BICD1: variants seen among roughly 807,000 people sequenced by gnomAD.
BICD1 encodes the protein protein bicaudal D homolog 1.
Under a neutral mutation model 92.5 loss-of-function variants are expected in BICD1, and 35 were observed. The ratio of observed to expected loss-of-function variants is 0.38; its 90% CI spans 0.29 to 0.50. BICD1 has a LOEUF of 0.50. BICD1 is among the 20% of genes least tolerant of loss of function. BICD1 has a pLI of 0.93. For synonymous variants in BICD1, 429 were observed against 465.1 expected, an observed-to-expected ratio of 0.92 and a Z score of 1.00; for missense variants, 950 against 1,189.8, an observed-to-expected ratio of 0.80 and a Z score of 2.97.
intron 1 of BICD1, among the ~76,000 whole-genome samples, chr12:32,113,457 C>T (rs1941772151): frequency 6.6e-6 from 1 of 152,062 alleles, no homozygotes; most frequent in Non-Finnish European, 1.5e-5. Flanking sequence ...TTACAGCTCA[C>T]CGCAACCTTA....
At chr12:32,360,327 AAG>A (rs1238762774) in intron 8 of BICD1, among the ~76,000 whole-genome samples, 1 of 152,240 alleles carries the variant, frequency 6.6e-6, no homozygotes, top group Non-Finnish European at 1.5e-5. Flanking sequence ...CCTAAGGAGA[AAG>A]AGAATATTTA....
intron 1 of BICD1, among the ~76,000 whole-genome samples, chr12:32,184,537 G>A (rs1007647160): frequency 1.3e-5 from 2 of 152,008 alleles, no homozygotes; most frequent in South Asian, 4.2e-4. Flanking sequence ...CACCCACCTC[G>A]GCCTCCCAAA....
chr12:32,346,174 G>T (rs924067873), intron 8 of BICD1, among the ~76,000 whole-genome samples: 1 of 151,586 alleles, frequency 6.6e-6, no homozygotes, highest in Non-Finnish European at 1.5e-5. Flanking sequence ...AGAAACAAGT[G>T]AACTTAATTT....
intron 2 of BICD1, among the ~76,000 whole-genome samples, chr12:32,272,423 T>C (rs1212078240): frequency 6.6e-6 from 1 of 152,244 alleles, no homozygotes; most frequent in African/African-American, 2.4e-5. Flanking sequence ...TTTTAATCTA[T>C]AACTAAGATC....
chr12:32,154,984 A>G (rs2125173), intron 1 of BICD1, among the ~76,000 whole-genome samples: 16,313 of 152,254 alleles, frequency 0.11, 1,153 homozygotes, highest in East Asian at 0.29. Flanking sequence ...AGACAGAAAA[A>G]TAAGCATCTG....
intron 1 of BICD1, among the ~76,000 whole-genome samples, chr12:32,165,242 G>A (rs1029680279): frequency 4.6e-5 from 7 of 152,198 alleles, no homozygotes; most frequent in Non-Finnish European, 1.0e-4. Context: ...TTGGCCGGGC[G>A]CGGTGGCTCA....
chr12:32,184,381 G>A (rs890119774), intron 1 of BICD1, among the ~76,000 whole-genome samples: 13 of 152,120 alleles, frequency 8.5e-5, no homozygotes, highest in African/African-American at 3.1e-4. Context: ...CCACCTCTCG[G>A]GTTCAAGCGA....
At chr12:32,177,612 G>A (rs999050660) in intron 1 of BICD1, among the ~76,000 whole-genome samples, 1 of 139,452 alleles carries the variant, frequency 7.2e-6, no homozygotes, top group Non-Finnish European at 1.6e-5. Flanking sequence ...GGCTGGAGTG[G>A]CGGAGGTGGT....
chr12:32,265,715 A>AT (rs199946384), intron 2 of BICD1, among the ~76,000 whole-genome samples: 1,401 of 84,670 alleles, frequency 0.017, 15 homozygotes, highest in African/African-American at 0.056. Context: ...GCGAGATCCT[A>AT]TTTAAAAAAA....
chr12:32,278,247 T>G (rs1662474076), intron 2 of BICD1, among the ~76,000 whole-genome samples: 1 of 152,232 alleles, frequency 6.6e-6, no homozygotes, highest in Non-Finnish European at 1.5e-5. Context: ...ATTGTAGTAA[T>G]TGTGGTATCA....
chr12:32,279,339 A>C (rs544213459), intron 2 of BICD1, among the ~76,000 whole-genome samples: 1 of 152,240 alleles, frequency 6.6e-6, no homozygotes. Flanking sequence ...ATTAAAAATC[A>C]TTCAATTGTA....
intron 2 of BICD1, among the ~76,000 whole-genome samples, chr12:32,279,038 G>T (rs1366038894): frequency 1.3e-5 from 2 of 152,068 alleles, no homozygotes; most frequent in Non-Finnish European, 2.9e-5. Flanking sequence ...TTGTGCTGCA[G>T]CAAAGCTGTC....
intron 8 of BICD1, among the ~76,000 whole-genome samples, chr12:32,359,949 G>C (rs1263497583): frequency 6.6e-6 from 1 of 152,146 alleles, no homozygotes; most frequent in African/African-American, 2.4e-5. Context: ...ACTTTGGGAG[G>C]CCGAGGCAGG....
intron 1 of BICD1, among the ~76,000 whole-genome samples, chr12:32,210,293 T>G (rs1444950979): frequency 6.6e-6 from 1 of 152,204 alleles, no homozygotes; most frequent in Non-Finnish European, 1.5e-5. Context: ...CTAATGTCCC[T>G]GGGTGACCTA....
chr12:32,310,515 T>C (rs1457273029), intron 4 of BICD1, among the ~76,000 whole-genome samples: 1 of 152,192 alleles, frequency 6.6e-6, no homozygotes, highest in Non-Finnish European at 1.5e-5. Flanking sequence ...GAGGTCTGCA[T>C]GACCTAAGGA....
intron 1 of BICD1, among the ~76,000 whole-genome samples, chr12:32,112,230 TC>T (rs1941725045): frequency 6.6e-6 from 1 of 152,198 alleles, no homozygotes; most frequent in Non-Finnish European, 1.5e-5. Context: ...GGTCTTGAAC[TC>T]CCGACCTCAG....
chr12:32,154,827 T>G (rs1943392150), intron 1 of BICD1, among the ~76,000 whole-genome samples: 1 of 152,204 alleles, frequency 6.6e-6, no homozygotes, highest in South Asian at 2.1e-4. Flanking sequence ...AGCCTGGTAC[T>G]CAAAGTCACC....
At chr12:32,163,223 A>G (rs1290966348) in intron 1 of BICD1, among the ~76,000 whole-genome samples, 5 of 152,054 alleles carry the variant, frequency 3.3e-5, no homozygotes, top group African/African-American at 1.2e-4. Context: ...TTCATATAAC[A>G]TTTTATTATT....
intron 8 of BICD1, among the ~76,000 whole-genome samples, chr12:32,347,793 G>T (rs1039458389): frequency 1.3e-5 from 2 of 151,956 alleles, no homozygotes; most frequent in African/African-American, 4.8e-5. Context: ...TAATGACTTA[G>T]TTTTTTAATT....
Sources: allele counts gnomAD v4.1 joint callset (sites outside exome capture counted in the v4.1 genomes callset), GRCh38; gene constraint gnomAD v4.1.1; transcripts MANE v1.5; gene names NCBI Gene and HGNC (gene_info 2026-07-23, HGNC 2026-07-21).